CATSPER2: variants seen among roughly 807,000 people sequenced by gnomAD.
CATSPER2 encodes the protein cation channel sperm associated 2, also known as cation channel sperm-associated protein 2.
CATSPER2 carries 56 observed loss-of-function variants against 68.8 expected under a neutral mutation model. The ratio of observed to expected loss-of-function variants is 0.81; its 90% CI spans 0.66 to 1.02. The LOEUF is 1.02. Ranked by LOEUF, CATSPER2 falls within the 50% of genes least tolerant of loss-of-function variation. The pLI is 0.00. For synonymous variants in CATSPER2, 198 were observed against 229.9 expected, an observed-to-expected ratio of 0.86 and a Z score of 1.26; for missense variants, 582 against 642.0, an observed-to-expected ratio of 0.91 and a Z score of 1.01.
intron 12 of CATSPER2, chr15:43,631,619 C>T (rs2085873731): frequency 3.6e-6 from 1 of 275,660 alleles, no homozygotes; most frequent in Non-Finnish European, 8.0e-6. Context: ...TAGATAGTTC[C>T]CAGTTTACAT....
Position 43,640,358 on chromosome 15 carries a change from G to A in CATSPER2, c.527C>T (p.Ala176Val), listed in dbSNP as rs375271210. ...LSNFSVFWKS[A>V]WNVFDFVVTM... ...AACAACAAAGTCAAAGACATTCCAG[G>A]CACTCTTCCAGAAAACAGAAAAGTT... is the stretch of plus-strand genomic sequence containing the variant. Residue 176 changes from alanine to valine, a missense_variant, in exon 5 of 13, where the codon GCC becomes GTC. By Grantham distance (64) the Ala-to-Val change is moderately conservative. Coordinates refer to ENST00000396879, the MANE Select transcript of CATSPER2 (RefSeq NM_172095.4). 60 of 1,611,662 alleles carry A rather than the reference G, an allele frequency of 3.7e-5. 1 individual carries two copies. The highest frequency in any genetic ancestry group is 4.8e-5 in the Non-Finnish European group (56 of 1,178,482).
intron 12 of CATSPER2, among the ~76,000 whole-genome samples, 184 bp from the exon 13 acceptor site, chr15:43,630,916 A>AAT (rs2085859743): frequency 1.3e-5 from 2 of 152,004 alleles, no homozygotes; most frequent in Non-Finnish European, 2.9e-5. Context: ...TAAAGAAACT[A>AAT]CCTTGCTGCA....
At chr15:43,639,249 ATTT>A (rs755628824) in intron 6 of CATSPER2, among the ~76,000 whole-genome samples, 1 of 140,194 alleles carries the variant, frequency 7.1e-6, no homozygotes. Context: ...TCTTTCATAT[ATTT>A]TTTTTTTTTT....
At chr15:43,638,835 T>A (rs753114067) in intron 7 of CATSPER2, 69 bp downstream of exon 7, 24 of 1,579,404 alleles carry the variant, frequency 1.5e-5, no homozygotes, top group Non-Finnish European at 2.1e-5. Flanking sequence ...ATTACTATAC[T>A]TTGGACAAGC....
chr15:43,644,927 A>C (rs1390534059), intron 4 of CATSPER2, among the ~76,000 whole-genome samples: 1 of 152,058 alleles, frequency 6.6e-6, no homozygotes, highest in East Asian at 1.9e-4. Flanking sequence ...GGGAATTATA[A>C]GTAAGTTAGT....
At chr15:43,632,455 G>A in intron 11 of CATSPER2, 92 bp from the exon 12 acceptor site, 2 of 1,523,274 alleles carry the variant, frequency 1.3e-6, no homozygotes, top group Non-Finnish European at 1.8e-6. Context: ...GAAAGGTGGG[G>A]TGGAAAGAGG....
chr15:43,647,552 A>T, intron 2 of CATSPER2, 85 bp from the exon 3 acceptor site: 1 of 1,288,452 alleles, frequency 7.8e-7, no homozygotes, highest in South Asian at 1.2e-5. Flanking sequence ...CTGGTCAGGT[A>T]ATGGGTTCCC....
At chr15:43,638,841 C>T in intron 7 of CATSPER2, 63 bp downstream of exon 7, 2 of 1,595,722 alleles carry the variant, frequency 1.3e-6, no homozygotes, top group Non-Finnish European at 8.6e-7. Context: ...ATACTTTGGA[C>T]AAGCTTCCTG....
In CATSPER2 at chr15:43,639,732, T is replaced by C; in HGVS notation, c.628A>G (p.Arg210Gly). 1 of 1,612,916 alleles carries C rather than the reference T, an allele frequency of 6.2e-7. No individual in the cohort carries two copies. Among genetic ancestry groups the C allele is most frequent in the Middle Eastern group, 1.7e-4 (1 of 6,056 alleles). The change falls in exon 6 of 13, where the codon AGG becomes GGG. Residue 210 changes from arginine (R) to glycine (G), a missense_variant. Coordinates refer to ENST00000396879, the MANE Select transcript of CATSPER2 (RefSeq NM_172095.4). Reference sequence around the variant, plus strand: ...AGAGACCTCAGCACCCGGCAGATCCTCAGAAGCTGAAGCCACACCGATTGG... The same window carrying C: ...AGAGACCTCAGCACCCGGCAGATCCCCAGAAGCTGAAGCCACACCGATTGG... ...TGQSVWLQLLRICRVLRSLKL... is the reference protein window; with the variant it reads ...TGQSVWLQLLGICRVLRSLKL...
At chr15:43,645,369 T>C (rs2086145478) in intron 4 of CATSPER2, among the ~76,000 whole-genome samples, 1 of 151,792 alleles carries the variant, frequency 6.6e-6, no homozygotes, top group Non-Finnish European at 1.5e-5. Flanking sequence ...AGAGATAAGC[T>C]TGTAGGGGAC....
rs761061640 is a variant in CATSPER2 at position 43,647,029 on chromosome 15, T to A, written c.388+21A>T. 4.4e-6 allele frequency: 7 copies of A among 1,601,154 alleles called. No homozygotes were observed. The South Asian group carries it at 6.6e-5, about 15-fold the overall frequency. On this transcript the variant is annotated intron_variant, in intron 4 of 12. Coordinates refer to ENST00000396879, the MANE Select transcript of CATSPER2 (RefSeq NM_172095.4). ...GGCGTGCCCGGCCTCACTTCCTCTT[T>A]CATACAAGGTCAGTTCTCACCTATT... is the stretch of plus-strand genomic sequence containing the variant.
intron 10 of CATSPER2, chr15:43,634,556 G>C (rs1380448964): frequency 6.6e-6 from 1 of 152,010 alleles, no homozygotes; most frequent in Non-Finnish European, 1.5e-5. Context: ...TGCCCAGGCT[G>C]GAGTATAGTG....
At chr15:43,646,978 A>C (rs2086177619) in intron 4 of CATSPER2, 72 bp downstream of exon 4, 2 of 1,346,986 alleles carry the variant, frequency 1.5e-6, no homozygotes, top group East Asian at 2.3e-5. Flanking sequence ...CGGCCTCCCA[A>C]AGTGCTAGGA....
At chr15:43,635,653 G>C (rs1252668630) in intron 9 of CATSPER2, 74 bp downstream of exon 9, 10 of 1,403,590 alleles carry the variant, frequency 7.1e-6, no homozygotes, top group Non-Finnish European at 1.0e-5. Context: ...AAGTGGGGTC[G>C]AGAAGTAGAA....
At chr15:43,646,927 G>A (rs1472400215) in intron 4 of CATSPER2, 123 bp downstream of exon 4, 1 of 823,564 alleles carries the variant, frequency 1.2e-6, no homozygotes, top group Admixed American at 1.8e-5. Flanking sequence ...ATGTTGCCCA[G>A]GCTGGTCTCC....
In CATSPER2 at chr15:43,635,304, T is replaced by A; in HGVS notation, c.1178+56A>T. On this transcript the variant is annotated intron_variant, in intron 10 of 12. Transcript: ENST00000396879. Reference sequence around the variant, plus strand: ...TCAAAGCCAATCTTCATCTTTAGTTTTCCACCCTCTCCTCCTTCATGTGTT... The same window carrying A: ...TCAAAGCCAATCTTCATCTTTAGTTATCCACCCTCTCCTCCTTCATGTGTT... 2.1e-6 allele frequency: 3 copies of A among 1,456,806 alleles called. No homozygotes were observed. The South Asian group carries it at 3.4e-5, about 17-fold the overall frequency. The allele number at this position is 1,456,806 out of a possible 1,614,324, so 90.2% of individuals were successfully genotyped here. A position where few individuals can be genotyped will look rare whatever the true frequency, so the allele number is the denominator to read the frequency against.
In CATSPER2 at chr15:43,632,173, T is replaced by G. The variant is rs187849814; in HGVS notation, c.1561+26A>C. 9.9e-4 allele frequency: 1,591 copies of G among 1,608,338 alleles called. 28 individuals are homozygous for G. In the African/African-American group the frequency reaches 0.019, roughly 19 times the overall value. On this transcript the variant is annotated intron_variant, in intron 12 of 12. Transcript: ENST00000396879. ...AAACGCTATATATATATTCCCATGG[T>G]CCCCATGACTGCCCTAACTCCATAC...
chr15:43,638,898 G>A lies in CATSPER2; in HGVS notation c.842+6C>T. 1.2e-6 allele frequency: 2 copies of A among 1,612,390 alleles called. No homozygotes were observed. Among genetic ancestry groups the A allele is most frequent in the Non-Finnish European group, 8.5e-7 (1 of 1,179,112 alleles). ...CCCTCACCCAGCTGTCCCCAGCTCT[G>A]CTTACGAGAAGAACACATGGTACTC... is the stretch of plus-strand genomic sequence containing the variant. On this transcript the variant is annotated splice_donor_region_variant and intron_variant, in intron 7 of 12. Coordinates refer to ENST00000396879, the MANE Select transcript of CATSPER2 (RefSeq NM_172095.4).
intron 4 of CATSPER2, among the ~76,000 whole-genome samples, chr15:43,640,772 CACAGCT>C (rs1478994190): frequency 2.6e-5 from 4 of 151,824 alleles, no homozygotes; most frequent in Non-Finnish European, 5.9e-5. Flanking sequence ...CTGGGGCTCA[CACAGCT>C]ACTAAGAGAG....
Sources: gnomAD v4.1 joint callset for allele counts (sites outside exome capture counted in the v4.1 genomes callset) on GRCh38, gnomAD v4.1.1 for gene constraint, MANE v1.5 for transcripts, NCBI Gene and HGNC (gene_info 2026-07-23, HGNC 2026-07-21) for gene names.